TEX11: variants seen among roughly 807,000 people sequenced by gnomAD.
The protein encoded by TEX11 is testis expressed 11, also known as testis-expressed protein 11.
TEX11 carries 7 observed loss-of-function variants against 84.4 expected under a neutral mutation model. The observed-to-expected ratio is 0.08, with a 90% CI of 0.05 to 0.16. The LOEUF is 0.16. Among genes scored for constraint, TEX11 ranks in the 10% least tolerant of loss-of-function variants. The pLI, the probability that TEX11 is intolerant of heterozygous loss-of-function variation, is 1.00. For missense variants in TEX11, 551 were observed against 660.5 expected (o/e 0.83, Z 1.82); for synonymous variants, 264 against 222.8 (o/e 1.18, Z -1.64).
At position 70,564,930 on chromosome X, in the gene TEX11, T is replaced by G. The variant is rs1349787222; in HGVS notation, c.2141-10130A>C. ...TTTGGGTATATACCCAGTAATGGGA[T>G]TGCTGGGTCAAATGGTATTTCTAGT... On this transcript the variant is annotated intron_variant, in intron 25 of 29. Coordinates refer to ENST00000374333, the MANE Select transcript of TEX11 (RefSeq NM_031276.3). 2.7e-5 allele frequency among the ~76,000 whole-genome samples: 3 copies of G among 109,601 alleles called. No individual in the cohort carries two copies. The East Asian group carries it at 8.6e-4, about 31-fold the overall frequency.
intron 25 of TEX11, among the ~76,000 whole-genome samples, chrX:70,567,964 A>G (rs2088517964): frequency 9.0e-6 from 1 of 110,945 alleles, no homozygotes; most frequent in African/African-American, 3.3e-5. Context: ...TATCCTTGTT[A>G]ACTTTCTGTC....
At position 70,603,872 on chromosome X, in the gene TEX11, C is replaced by T. The variant is rs1305734704; in HGVS notation, c.2067+1529G>A. 6.7e-5 allele frequency among the ~76,000 whole-genome samples: 5 copies of T among 74,353 alleles called. No homozygotes were observed. In the Admixed American group the frequency reaches 6.9e-4, roughly 10 times the overall value. 64.6% of individuals were successfully genotyped at this position (74,353 alleles called of 115,157 possible). On this transcript the variant is annotated intron_variant, in intron 24 of 29. Transcript: ENST00000374333. ...AATTTACAAGAAAAAAACAAACAAC[C>T]CCATCAAAAAGTGGGCGAAGGACAT... is the stretch of plus-strand genomic sequence containing the variant.
At chrX:70,906,849 T>C (rs982833802) in intron 2 of TEX11, among the ~76,000 whole-genome samples, 2 of 112,147 alleles carry the variant, frequency 1.8e-5, no homozygotes, top group Non-Finnish European at 3.8e-5. Flanking sequence ...ACCTAAACTT[T>C]TTAAAATCAT....
intron 9 of TEX11, among the ~76,000 whole-genome samples, chrX:70,749,253 A>C (rs2147754626): frequency 9.4e-6 from 1 of 106,175 alleles, no homozygotes; most frequent in African/African-American, 3.5e-5. Context: ...AATGCTTGTG[A>C]TTTTTGTACA....
At chrX:70,710,342 C>A (rs947848068) in intron 13 of TEX11, among the ~76,000 whole-genome samples, 4 of 110,966 alleles carry the variant, frequency 3.6e-5, no homozygotes, top group African/African-American at 1.3e-4. Context: ...TAAATAGATA[C>A]AAAATTCTAA....
chrX:70,624,247 C>A (rs1233954358), intron 19 of TEX11, among the ~76,000 whole-genome samples: 1 of 111,678 alleles, frequency 9.0e-6, no homozygotes, highest in Non-Finnish European at 1.9e-5. Flanking sequence ...AAAACAAAAG[C>A]GTTGCTTATA....
At chrX:70,680,675 A>C (rs2090141228) in intron 14 of TEX11, among the ~76,000 whole-genome samples, 1 of 111,794 alleles carries the variant, frequency 8.9e-6, no homozygotes, top group African/African-American at 3.3e-5. Flanking sequence ...GCTACACACA[A>C]AAAAATTCAG....
At chrX:70,528,122 T>G (rs1184625311), downstream of TEX11, among the ~76,000 whole-genome samples, 1 of 111,448 alleles carries the variant, frequency 9.0e-6, no homozygotes, top group Non-Finnish European at 1.9e-5. Context: ...GATGTTTACC[T>G]CGAAGGAGAA....
At chrX:70,845,576 C>A in intron 7 of TEX11, among the ~76,000 whole-genome samples, 1 of 110,585 alleles carries the variant, frequency 9.0e-6, no homozygotes, top group Non-Finnish European at 1.9e-5. Context: ...GCCCGTAATC[C>A]CAGCACTTTG....
At chrX:70,588,013 A>G (rs2088877316) in intron 25 of TEX11, among the ~76,000 whole-genome samples, 1 of 112,087 alleles carries the variant, frequency 8.9e-6, no homozygotes, top group Non-Finnish European at 1.9e-5. Context: ...TGTTTTGGCC[A>G]ATTTCTCCCA....
chrX:70,558,724 G>A (rs1230654129), intron 25 of TEX11, among the ~76,000 whole-genome samples: 4 of 111,317 alleles, frequency 3.6e-5, no homozygotes, highest in Non-Finnish European at 7.5e-5. Context: ...AATAATAAAA[G>A]GCAGCCTAAT....
intron 2 of TEX11, among the ~76,000 whole-genome samples, chrX:70,894,116 A>G (rs1166535973): frequency 9.0e-6 from 1 of 110,571 alleles, no homozygotes; most frequent in East Asian, 2.8e-4. Context: ...AGGACCAGAC[A>G]GATTCACAGC....
chrX:70,589,806 G>C (rs1281471887), intron 25 of TEX11, among the ~76,000 whole-genome samples: 1 of 112,267 alleles, frequency 8.9e-6, no homozygotes, highest in Non-Finnish European at 1.9e-5. Context: ...ACAGGCGTGA[G>C]CCACTGCATA....
At chrX:70,833,059 C>A (rs2091385531) in intron 8 of TEX11, among the ~76,000 whole-genome samples, 1 of 110,665 alleles carries the variant, frequency 9.0e-6, no homozygotes, top group East Asian at 2.8e-4. Context: ...CACTTGAGGC[C>A]AGGAGCTCCA....
At chrX:70,570,250 C>A (rs1201235851) in intron 25 of TEX11, among the ~76,000 whole-genome samples, 1 of 112,364 alleles carries the variant, frequency 8.9e-6, no homozygotes, top group African/African-American at 3.2e-5. Context: ...ATTTTTTAAG[C>A]CCGTCAGAAA....
chrX:70,904,545 G>A (rs144415991), intron 2 of TEX11, among the ~76,000 whole-genome samples: 123 of 112,111 alleles, frequency 1.1e-3, no homozygotes, highest in Non-Finnish European at 1.8e-3. Flanking sequence ...TATTAGTAAG[G>A]ATATGGGGAA....
chrX:70,902,071 G>A (rs1199040072), intron 2 of TEX11, among the ~76,000 whole-genome samples: 2 of 111,906 alleles, frequency 1.8e-5, no homozygotes, highest in African/African-American at 3.2e-5. Flanking sequence ...GCAACATAGG[G>A]AGATCCCGTC....
downstream of TEX11, among the ~76,000 whole-genome samples, chrX:70,527,594 C>T (rs1451956976): frequency 9.0e-6 from 1 of 111,695 alleles, no homozygotes; most frequent in Admixed American, 9.6e-5. Context: ...TAATCCTGAA[C>T]TTAGGAAGGA....
At chrX:70,708,613 A>G (rs1159132409) in intron 13 of TEX11, among the ~76,000 whole-genome samples, 1 of 112,106 alleles carries the variant, frequency 8.9e-6, no homozygotes, top group African/African-American at 3.2e-5. Flanking sequence ...AATACTATGC[A>G]GTCATAAAAA....
Sources: gnomAD v4.1 joint callset for allele counts (sites outside exome capture counted in the v4.1 genomes callset) on GRCh38, gnomAD v4.1.1 for gene constraint, MANE v1.5 for transcripts, NCBI Gene and HGNC (gene_info 2026-07-23, HGNC 2026-07-21) for gene names.